HOMER2: variants seen among roughly 807,000 people sequenced by gnomAD.
HOMER2 encodes the protein homer scaffold protein 2.
In HOMER2, 27 loss-of-function variants were observed where a neutral mutation model predicts 47.0. The observed-to-expected ratio is 0.57, with a 90% confidence interval of 0.42 to 0.79. The LOEUF is 0.79. HOMER2 is among the 30% of genes least tolerant of loss of function. HOMER2 has a pLI of 0.00. For synonymous variants in HOMER2, 161 were observed against 163.8 expected (o/e 0.98, Z 0.13); for missense variants, 443 against 435.0 (o/e 1.02, Z -0.16).
intron 1 of HOMER2, among the ~76,000 whole-genome samples, chr15:82,939,387 C>A (rs2054212090): frequency 6.6e-6 from 1 of 152,194 alleles, no homozygotes; most frequent in Admixed American, 6.5e-5. Context: ...GGAATTTTGG[C>A]CGGGCACGGT....
At chr15:82,851,748 T>A (rs1213390771) in intron 7 of HOMER2, among the ~76,000 whole-genome samples, 1 of 152,182 alleles carries the variant, frequency 6.6e-6, no homozygotes, top group East Asian at 1.9e-4. Context: ...GGCAACATAA[T>A]GAGACTCCAT....
chr15:82,966,586 T>C lies in HOMER2; in HGVS notation n.83-7278A>G, dbSNP rs549912127. Among the ~76,000 whole-genome samples the C allele has an allele frequency of 3.3e-5, 5 of 152,220 alleles. No individual in the cohort carries two copies. In the South Asian group the frequency reaches 6.2e-4, roughly 19 times the overall value. The stretch of plus-strand genomic sequence containing the variant: ...CAGCAGAAAAAGGAGTCACCCAGAA[T>C]TGCATAAAACAAAGGCGGGAAAATG... On this transcript the variant is annotated intron_variant and non_coding_transcript_variant, in intron 1 of 1. Transcript: ENST00000500334.
chr15:82,882,434 C>T (rs957490038), intron 2 of HOMER2, among the ~76,000 whole-genome samples: 18 of 152,218 alleles, frequency 1.2e-4, no homozygotes, highest in African/African-American at 2.4e-5. Flanking sequence ...CTCCTGGCAG[C>T]CCCAACACTG....
intron 1 of HOMER2, among the ~76,000 whole-genome samples, chr15:82,897,634 A>G (rs928488019): frequency 1.3e-5 from 2 of 152,214 alleles, no homozygotes; most frequent in Admixed American, 1.3e-4. Context: ...GTCTCCTATC[A>G]GACTCTCTCA....
At chr15:82,860,978 A>AGAGAGAGAGAGAGG (rs1269756073) in intron 4 of HOMER2, among the ~76,000 whole-genome samples, 7 of 147,928 alleles carry the variant, frequency 4.7e-5, no homozygotes, top group Admixed American at 3.3e-4. Context: ...AGAGAGAGAG[A>AGAGAGAGAGAGAGG]GAGAAAGCGA....
intron 1 of HOMER2, among the ~76,000 whole-genome samples, chr15:82,911,132 TAGAC>T (rs1567048924): frequency 1.3e-5 from 2 of 152,214 alleles, no homozygotes; most frequent in Non-Finnish European, 2.9e-5. Flanking sequence ...TTTGCCACCT[TAGAC>T]AGCTCAACCC....
intron 1 of HOMER2, among the ~76,000 whole-genome samples, chr15:82,898,642 T>C (rs982390798): frequency 5.3e-5 from 8 of 152,306 alleles, no homozygotes; most frequent in Middle Eastern, 3.4e-3. Flanking sequence ...AATTAGATAC[T>C]CTGTGCAACA....
chr15:82,914,722 T>C (rs551352996), intron 1 of HOMER2, among the ~76,000 whole-genome samples: 1 of 152,262 alleles, frequency 6.6e-6, no homozygotes, highest in South Asian at 2.1e-4. Flanking sequence ...TTATGTGTGT[T>C]TTACTAAACA....
At chr15:82,927,647 GTGAA>G (rs1555429166) in intron 1 of HOMER2, among the ~76,000 whole-genome samples, 1 of 152,164 alleles carries the variant, frequency 6.6e-6, no homozygotes, top group Non-Finnish European at 1.5e-5. Context: ...AGTTAACTGC[GTGAA>G]TGGAGGAGCA....
At chr15:82,851,721 A>G (rs896555971) in intron 7 of HOMER2, among the ~76,000 whole-genome samples, 1 of 152,220 alleles carries the variant, frequency 6.6e-6, no homozygotes, top group African/African-American at 2.4e-5. Context: ...GCTTCAGCCC[A>G]GTTCAAGACC....
chr15:82,980,010 T>G (rs1222054113), intron 1 of HOMER2, among the ~76,000 whole-genome samples: 2 of 151,992 alleles, frequency 1.3e-5, no homozygotes, highest in Non-Finnish European at 2.9e-5. Flanking sequence ...ATAGGCAAGG[T>G]TATGGGGATA....
chr15:82,860,989 A>AAG lies in HOMER2; in HGVS notation c.388-1856_388-1855dup, dbSNP rs1161717498. 5.5e-5 allele frequency among the ~76,000 whole-genome samples: 4 copies of AAG among 72,742 alleles called. No homozygotes were observed. The East Asian group carries it at 1.1e-3, about 21-fold the overall frequency. 47.7% of individuals were successfully genotyped at this position (72,742 alleles called of 152,430 possible). On this transcript the variant is annotated intron_variant, in intron 4 of 8. Coordinates refer to ENST00000450735, the MANE Select transcript of HOMER2 (RefSeq NM_004839.4). ...AGAGAGAGAGAGAGAGAGAAAGCGAAAGAGAAAGGAAAGAAAGAAAAGAAA... is the reference window on the plus strand; with the variant it reads ...AGAGAGAGAGAGAGAGAGAAAGCGAAAGAGAGAAAGGAAAGAAAGAAAAGAAA...
chr15:82,961,328 T>A (rs1295191300), intron 1 of HOMER2, among the ~76,000 whole-genome samples: 1 of 152,230 alleles, frequency 6.6e-6, no homozygotes, highest in Non-Finnish European at 1.5e-5. Flanking sequence ...ACACTTCCCG[T>A]GCGCAGGTTG....
chr15:82,871,934 G>A (rs925155553), intron 3 of HOMER2, among the ~76,000 whole-genome samples: 3 of 152,108 alleles, frequency 2.0e-5, no homozygotes, highest in Non-Finnish European at 2.9e-5. Flanking sequence ...TGAAGAAATT[G>A]TTCCAGGCAG....
rs755437925 is a variant in HOMER2 at position 82,875,254 on chromosome 15, G to A, written c.294+19C>T. On this transcript the variant is annotated intron_variant, in intron 3 of 8. Coordinates refer to ENST00000450735, the MANE Select transcript of HOMER2 (RefSeq NM_004839.4). ...CATCTGATGCGGGATTTACTGCACTGTGGATAGGACCAAGTTACCTTTGTC... is the reference window on the plus strand; with the variant it reads ...CATCTGATGCGGGATTTACTGCACTATGGATAGGACCAAGTTACCTTTGTC... 5 of 1,612,320 alleles carry A rather than the reference G, an allele frequency of 3.1e-6. No individual in the cohort carries two copies. Among genetic ancestry groups the A allele is most frequent in the East Asian group, 2.2e-5 (1 of 44,876 alleles).
At chr15:82,863,597 C>G (rs932451377) in intron 4 of HOMER2, among the ~76,000 whole-genome samples, 1 of 151,868 alleles carries the variant, frequency 6.6e-6, no homozygotes, top group Admixed American at 6.6e-5. Context: ...GGTCGACTTC[C>G]CCCACCACCA....
chr15:82,968,441 A>G (rs572651561), intron 1 of HOMER2, among the ~76,000 whole-genome samples: 2 of 152,350 alleles, frequency 1.3e-5, no homozygotes, highest in East Asian at 1.9e-4. Flanking sequence ...ATTTATTTTT[A>G]TCACTAAAAC....
At chr15:82,872,296 T>A (rs923112729) in intron 3 of HOMER2, among the ~76,000 whole-genome samples, 9 of 152,066 alleles carry the variant, frequency 5.9e-5, no homozygotes, top group African/African-American at 2.2e-4. Context: ...CTGTTCCTGT[T>A]CCTCTTCCCC....
intron 1 of HOMER2, among the ~76,000 whole-genome samples, chr15:82,923,400 T>C (rs1368963652): frequency 6.6e-6 from 1 of 151,652 alleles, no homozygotes; most frequent in Non-Finnish European, 1.5e-5. Flanking sequence ...GGCATGAGAA[T>C]TGCTTGAACC....
Sources: gnomAD v4.1 joint callset for allele counts (sites outside exome capture counted in the v4.1 genomes callset) on GRCh38, gnomAD v4.1.1 for gene constraint, MANE v1.5 for transcripts, NCBI Gene and HGNC (gene_info 2026-07-23, HGNC 2026-07-21) for gene names.